CAST: variants seen among roughly 807,000 people sequenced by gnomAD.
CAST encodes calpastatin, also known as MIR583 host.
CAST carries 76 observed loss-of-function variants against 119.6 expected under a neutral mutation model. That is an observed-to-expected ratio of 0.64 (90% CI 0.53 to 0.77). The LOEUF is 0.77. Among genes scored for constraint, CAST ranks in the 30% least tolerant of loss-of-function variants. The pLI is 0.00. For missense variants in CAST, 953 were observed against 946.5 expected (o/e 1.01, Z -0.09); for synonymous variants, 319 against 331.6 (o/e 0.96, Z 0.41).
rs1262952050 is a variant in CAST, at chr5:96,747,391, A to C, written c.1331A>C (p.Lys444Thr). The stretch of plus-strand genomic sequence containing the variant: ...TTGCCAGAGCCTGAAGAAAAACCCA[A>C]GGTTAGGAAATACATTTTTTTCTGA... ...PLLPEPEEKP[K>T]PRSESELIDE... Residue 444 changes from lysine to threonine, a missense_variant and splice_region_variant, in exon 18 of 32, where the codon AAG becomes ACG. By Grantham distance (78) the Lys-to-Thr change is moderately conservative. Coordinates refer to ENST00000675179, the MANE Select transcript of CAST (RefSeq NM_001750.7). The C allele has an allele frequency of 2.5e-6, 4 of 1,572,886 alleles. No individual in the cohort carries two copies. The highest frequency in any genetic ancestry group is 3.5e-6 in the Non-Finnish European group (4 of 1,143,442).
chr5:96,748,800 A>G (rs755065940), intron 19 of CAST, 187 bp downstream of exon 19: 6 of 497,932 alleles, frequency 1.2e-5, no homozygotes, highest in South Asian at 5.9e-5. Context: ...TATTCTTGCA[A>G]TTGAAGTCCT....
rs142680948 is a variant in CAST at position 96,770,392 on chromosome 5, A to G, written c.2269-139A>G. The G allele has an allele frequency of 1.2e-3, 700 of 600,244 alleles. 6 individuals carry two copies. The African/African-American group carries it at 0.012, about 10-fold the overall frequency. 37.2% of individuals were successfully genotyped at this position (600,244 alleles called of 1,614,324 possible). ...CTGACACCGTTGTTCAAAAAAAATC[A>G]TGAAAAAACACCCAAAGTCTTCCAT... is the stretch of plus-strand genomic sequence containing the variant. On this transcript the variant is annotated intron_variant, in intron 29 of 31. Transcript: ENST00000675179.
chr5:96,230,879 A>G, the CAST span, among the ~76,000 whole-genome samples: 1 of 152,332 alleles, frequency 6.6e-6, no homozygotes, highest in African/African-American at 2.4e-5. Context: ...ATCAACAAGC[A>G]TATGAAAAGA....
At chr5:96,366,960 T>C in the CAST span, among the ~76,000 whole-genome samples, 1 of 152,238 alleles carries the variant, frequency 6.6e-6, no homozygotes, top group Non-Finnish European at 1.5e-5. Context: ...TTTTTGGTTT[T>C]ATCTACCTTT....
chr5:96,335,805 G>A, the CAST span, among the ~76,000 whole-genome samples: 2 of 152,098 alleles, frequency 1.3e-5, no homozygotes, highest in African/African-American at 4.8e-5. Context: ...TTTACCCAGT[G>A]ACAAAAGTTA....
At chr5:96,293,114 A>G in the CAST span, among the ~76,000 whole-genome samples, 1 of 152,174 alleles carries the variant, frequency 6.6e-6, no homozygotes, top group East Asian at 1.9e-4. Context: ...CTCCATTCAC[A>G]TGATCTAGAA....
intron 1 of CAST, among the ~76,000 whole-genome samples, chr5:96,651,722 G>T (rs1748096830): frequency 6.6e-6 from 1 of 152,186 alleles, no homozygotes; most frequent in Non-Finnish European, 1.5e-5. Flanking sequence ...CTCCCCAGCA[G>T]ACTCTCAGGC....
chr5:96,078,427 T>G, the CAST span, among the ~76,000 whole-genome samples: 1 of 151,996 alleles, frequency 6.6e-6, no homozygotes, highest in Non-Finnish European at 1.5e-5. Flanking sequence ...GAGTTTTGCT[T>G]TTGTTGCCCA....
the CAST span, among the ~76,000 whole-genome samples, chr5:96,168,492 G>A: frequency 6.6e-6 from 1 of 152,180 alleles, no homozygotes; most frequent in Non-Finnish European, 1.5e-5. Context: ...CAAGAGTGAG[G>A]GCTTGAGTTG....
chr5:96,684,829 C>G (rs1751879332), intron 2 of CAST, among the ~76,000 whole-genome samples: 1 of 152,114 alleles, frequency 6.6e-6, no homozygotes, highest in African/African-American at 2.4e-5. Context: ...CTTGGACTCC[C>G]AAAGTGCTGG....
chr5:95,985,954 G>GT, the CAST span, among the ~76,000 whole-genome samples: 3 of 152,072 alleles, frequency 2.0e-5, no homozygotes, highest in African/African-American at 7.2e-5. Context: ...CTCTCTTTGG[G>GT]TTTTTTACTT....
chr5:96,243,178 GTT>G, the CAST span, among the ~76,000 whole-genome samples: 5 of 130,756 alleles, frequency 3.8e-5, no homozygotes, highest in African/African-American at 1.1e-4. Context: ...AGCAGCAACT[GTT>G]TTTTTTTTTT....
At chr5:96,131,144 G>A in the CAST span, among the ~76,000 whole-genome samples, 19 of 151,840 alleles carry the variant, frequency 1.3e-4, no homozygotes, top group African/African-American at 4.3e-4. Flanking sequence ...CCATCAATAG[G>A]GTAATGGTTA....
the CAST span, among the ~76,000 whole-genome samples, chr5:96,435,381 C>G: frequency 5.3e-5 from 8 of 152,224 alleles, no homozygotes; most frequent in Admixed American, 1.3e-4. Context: ...CCACACAATA[C>G]AGATATCAGT....
At chr5:96,613,661 A>C (rs1747403079) in intron 1 of CAST, among the ~76,000 whole-genome samples, 1 of 152,218 alleles carries the variant, frequency 6.6e-6, no homozygotes, top group Admixed American at 6.5e-5. Context: ...TTGTCTTTAA[A>C]GCATTTTTAA....
At chr5:96,296,899 C>A in the CAST span, among the ~76,000 whole-genome samples, 2 of 152,186 alleles carry the variant, frequency 1.3e-5, no homozygotes, top group Admixed American at 6.5e-5. Flanking sequence ...TAATGGCTTG[C>A]TGACTACCCT....
At chr5:96,022,392 C>G in the CAST span, among the ~76,000 whole-genome samples, 1 of 152,074 alleles carries the variant, frequency 6.6e-6, no homozygotes, top group Non-Finnish European at 1.5e-5. Context: ...AGTGCAAATA[C>G]CGTACAACAA....
At chr5:96,206,247 G>A in the CAST span, among the ~76,000 whole-genome samples, 3 of 151,980 alleles carry the variant, frequency 2.0e-5, no homozygotes, top group Admixed American at 2.0e-4. Flanking sequence ...CTCCTGTTGT[G>A]TGAGTTGTCT....
chr5:96,553,598 G>A (rs263386), intron 1 of CAST, among the ~76,000 whole-genome samples: 51,230 of 152,056 alleles, frequency 0.34, 9,286 homozygotes, highest in Middle Eastern at 0.46. Context: ...CAAAGAAGTA[G>A]AGAGGAAGTC....
Sources: gnomAD v4.1 joint callset for allele counts (sites outside exome capture counted in the v4.1 genomes callset) on GRCh38, gnomAD v4.1.1 for gene constraint, MANE v1.5 for transcripts, NCBI Gene and HGNC (gene_info 2026-07-23, HGNC 2026-07-21) for gene names.